The following ATRX variants were observed in gnomAD, a reference collection of about 807,000 sequenced individuals.
ATRX encodes ATRX chromatin remodeler.
A neutral mutation model predicts 172.6 loss-of-function variants in ATRX; 12 were observed. The ratio of observed to expected loss-of-function variants is 0.07; its 90% CI spans 0.04 to 0.11. ATRX has a LOEUF of 0.11. ATRX is among the 10% of genes least tolerant of loss of function. The pLI is 1.00. For missense variants in ATRX, 1,368 were observed against 1,767.4 expected, an observed-to-expected ratio of 0.77 and a Z score of 4.05; for synonymous variants, 674 against 594.7, an observed-to-expected ratio of 1.13 and a Z score of -1.94.
chrX:77,542,156 T>C (rs1174688854), intron 30 of ATRX, among the ~76,000 whole-genome samples: 2 of 111,754 alleles, frequency 1.8e-5, no homozygotes, highest in Non-Finnish European at 3.8e-5. Flanking sequence ...ATCACAAGCA[T>C]TTCTATACAC....
chrX:77,536,095 A>C (rs1557048292), intron 30 of ATRX, among the ~76,000 whole-genome samples: 1 of 109,864 alleles, frequency 9.1e-6, no homozygotes. Flanking sequence ...GCTGGAATGC[A>C]GTGGCTAGTC....
chrX:77,751,700 TA>T (rs1557187701), intron 1 of ATRX, among the ~76,000 whole-genome samples: 4 of 112,262 alleles, frequency 3.6e-5, no homozygotes, highest in African/African-American at 1.3e-4. Context: ...GTATAAGCTC[TA>T]AAGAAGGGGT....
Position 77,556,896 on chromosome X carries a change from C to T in ATRX, c.6699+555G>A, listed in dbSNP as rs781894732. ...CCAGCTTTACAATATGGTGTGTAAA[C>T]TTGGGTAAGTTACCTAGCCTCTCTG... On this transcript the variant is annotated intron_variant, in intron 30 of 34. Transcript: ENST00000373344. Among the ~76,000 whole-genome samples the T allele has an allele frequency of 7.2e-5, 8 of 111,737 alleles. No individual in the cohort carries two copies. The South Asian group carries it at 1.5e-3, about 21-fold the overall frequency.
chrX:77,546,685 C>T (rs190799711), intron 30 of ATRX, among the ~76,000 whole-genome samples: 1 of 111,282 alleles, frequency 9.0e-6, no homozygotes, highest in African/African-American at 3.3e-5. Context: ...AGTCTTGCCA[C>T]GTTGACCAGG....
intron 19 of ATRX, among the ~76,000 whole-genome samples, chrX:77,631,888 G>C (rs2068122102): frequency 8.9e-6 from 1 of 112,491 alleles, no homozygotes. Context: ...GGCAATGTAA[G>C]ATGTTAACAA....
At chrX:77,554,263 C>A (rs2064679932) in intron 30 of ATRX, among the ~76,000 whole-genome samples, 1 of 111,286 alleles carries the variant, frequency 9.0e-6, no homozygotes, top group African/African-American at 3.3e-5. Flanking sequence ...CGAGATCATG[C>A]CGCTGCACTC....
chrX:77,552,728 T>A (rs782436040), intron 30 of ATRX, among the ~76,000 whole-genome samples: 1 of 110,994 alleles, frequency 9.0e-6, no homozygotes, highest in Admixed American at 9.6e-5. Flanking sequence ...GGTGGCTAAT[T>A]AAGTCTGAGG....
intron 1 of ATRX, among the ~76,000 whole-genome samples, chrX:77,752,649 G>A (rs981929713): frequency 8.1e-5 from 9 of 111,758 alleles, no homozygotes; most frequent in East Asian, 2.8e-4. Flanking sequence ...CCATCAATAC[G>A]TAATTTATTG....
chrX:77,514,414 G>A (rs1602331871), intron 34 of ATRX, among the ~76,000 whole-genome samples: 2 of 111,808 alleles, frequency 1.8e-5, no homozygotes, highest in East Asian at 2.8e-4. Flanking sequence ...AAGACACACA[G>A]ACCAATGGAA....
chrX:77,540,467 A>G (rs2063931980), intron 30 of ATRX, among the ~76,000 whole-genome samples: 1 of 111,872 alleles, frequency 8.9e-6, no homozygotes, highest in Non-Finnish European at 1.9e-5. Flanking sequence ...AAATGGACCT[A>G]AAAGATATCT....
chrX:77,672,581 TACA>T (rs2070681480), intron 10 of ATRX, among the ~76,000 whole-genome samples: 2 of 110,748 alleles, frequency 1.8e-5, no homozygotes, highest in African/African-American at 6.5e-5. Flanking sequence ...CATCAAATGA[TACA>T]ACAACAGTTG....
chrX:77,654,930 G>A (rs954529747), intron 13 of ATRX, among the ~76,000 whole-genome samples: 2 of 111,492 alleles, frequency 1.8e-5, no homozygotes, highest in Admixed American at 9.6e-5. Flanking sequence ...TAAACAAAAC[G>A]TGGTATACAA....
chrX:77,514,722 C>A, intron 34 of ATRX, among the ~76,000 whole-genome samples: 1 of 112,056 alleles, frequency 8.9e-6, no homozygotes, highest in Admixed American at 9.4e-5. Context: ...GATGAAGATG[C>A]CAAAAGCAAT....
At chrX:77,747,534 C>CG (rs2075132180) in intron 1 of ATRX, among the ~76,000 whole-genome samples, 1 of 110,975 alleles carries the variant, frequency 9.0e-6, no homozygotes, top group Admixed American at 9.6e-5. Context: ...AAAAAGGGGG[C>CG]GGGGGACTTA....
chrX:77,527,481 T>A (rs999245011), intron 30 of ATRX, among the ~76,000 whole-genome samples: 3 of 112,045 alleles, frequency 2.7e-5, no homozygotes, highest in African/African-American at 9.7e-5. Context: ...CTTTGCAACA[T>A]GCGGAGCAGG....
chrX:77,641,564 T>C (rs1265487173), intron 15 of ATRX, among the ~76,000 whole-genome samples: 10 of 92,436 alleles, frequency 1.1e-4, no homozygotes, highest in Non-Finnish European at 1.7e-4. Context: ...GCCTGGGTGA[T>C]AGAGCGAGCC....
Position 77,633,817 on chromosome X carries a change from G to A in ATRX, c.4810-105C>T, listed in dbSNP as rs782404958. 3.9e-5 allele frequency: 36 copies of A among 913,624 alleles called. No individual in the cohort carries two copies. The African/African-American group carries it at 6.4e-4, about 16-fold the overall frequency. 75.3% of individuals were successfully genotyped at this position (913,624 alleles called of 1,213,427 possible). ...GCTTTGTTTTGCTTAAACAATAAAC[G>A]GCCAGAATTTCCAAACCAGGCAAGG... On this transcript the variant is annotated intron_variant, in intron 17 of 34. Coordinates refer to ENST00000373344, the MANE Select transcript of ATRX (RefSeq NM_000489.6).
chrX:77,769,192 A>G (rs782682398), intron 1 of ATRX, among the ~76,000 whole-genome samples: 4 of 111,677 alleles, frequency 3.6e-5, no homozygotes, highest in South Asian at 3.7e-4. Context: ...CCCATCTCAA[A>G]TAAGTATTTT....
chrX:77,595,614 T>C (rs1354512720), intron 25 of ATRX: 2 of 110,630 alleles, frequency 1.8e-5, no homozygotes, highest in African/African-American at 6.6e-5. Context: ...CTCTCCAACT[T>C]ATAGAGGGCT....
Sources: allele counts gnomAD v4.1 joint callset (sites outside exome capture counted in the v4.1 genomes callset), GRCh38; gene constraint gnomAD v4.1.1; transcripts MANE v1.5; gene names NCBI Gene and HGNC (gene_info 2026-07-23, HGNC 2026-07-21).